CASD1: variants seen among roughly 807,000 people sequenced by gnomAD.
CASD1 encodes the protein N-acetylneuraminate (7)9-O-acetyltransferase.
CASD1 carries 41 observed loss-of-function variants against 100.0 expected under a neutral mutation model. The ratio of observed to expected loss-of-function variants is 0.41; its 90% CI spans 0.32 to 0.53. CASD1 has a LOEUF of 0.53. Ranked by LOEUF, CASD1 falls within the 20% of genes least tolerant of loss-of-function variation. CASD1 has a pLI of 0.25. For synonymous variants in CASD1, 321 were observed against 315.6 expected, an observed-to-expected ratio of 1.02 and a Z score of -0.18; for missense variants, 774 against 948.7, an observed-to-expected ratio of 0.82 and a Z score of 2.42.
the CASD1 span, among the ~76,000 whole-genome samples, chr7:94,593,002 A>G: frequency 6.6e-6 from 1 of 152,138 alleles, no homozygotes; most frequent in African/African-American, 2.4e-5. Context: ...TCTCAACAGG[A>G]CACCATAATC....
intron 3 of CASD1, among the ~76,000 whole-genome samples, chr7:94,526,637 T>A (rs1027340248): frequency 1.2e-4 from 18 of 151,976 alleles, no homozygotes; most frequent in South Asian, 2.1e-4. Flanking sequence ...AAAATTTTTT[T>A]AAAAAATTAG....
At chr7:94,571,308 A>C in the CASD1 span, among the ~76,000 whole-genome samples, 1 of 151,956 alleles carries the variant, frequency 6.6e-6, no homozygotes, top group African/African-American at 2.4e-5. Flanking sequence ...CTCCCAAAGT[A>C]CTGGGATTAC....
At chr7:94,520,105 AAGAT>A (rs1453824815) in intron 3 of CASD1, among the ~76,000 whole-genome samples, 2 of 152,186 alleles carry the variant, frequency 1.3e-5, no homozygotes, top group Non-Finnish European at 2.9e-5. Context: ...AAAGGAAACA[AAGAT>A]AGTGTGCCCC....
In CASD1 at chr7:94,539,051, A is replaced by C. The variant is rs1309299237; in HGVS notation, c.1351A>C (p.Ser451Arg). 1 of 1,573,966 alleles carries C rather than the reference A, an allele frequency of 6.4e-7. No homozygotes were observed. Among genetic ancestry groups the C allele is most frequent in the East Asian group, 2.2e-5 (1 of 44,496 alleles). The change falls in exon 10 of 18, where the codon AGT (serine) becomes CGT (arginine). Residue 451 changes from serine (S) to arginine (R), a missense_variant. Physicochemically the swap from Ser to Arg is moderately radical, Grantham distance 110. Transcript: ENST00000297273. ...TTTGATTTATCACATTTCTGGAGCA[A>C]GTACAGTAAGTATTTGGAATTTAAG... The part of the protein sequence containing the change: ...VILIYHISGA[S>R]TFLPVYMHIR...
In CASD1 at chr7:94,555,976, G is replaced by T; in HGVS notation, c.*218G>T. 1 of 501,846 alleles carries T rather than the reference G, an allele frequency of 2.0e-6. No homozygotes were observed. The highest frequency in any genetic ancestry group is 3.5e-6 in the Non-Finnish European group (1 of 286,692). The allele number at this position is 501,846 out of a possible 1,614,324, so 31.1% of individuals were successfully genotyped here. ...AAACAAACAAACAAACAAAAAACCA[G>T]AATGCATTGTATAGGATTGCATGTG... On this transcript the variant is annotated 3_prime_UTR_variant, in exon 18 of 18. Transcript: ENST00000297273.
At chr7:94,587,976 C>A in the CASD1 span, 1 of 1,414,130 alleles carries the variant, frequency 7.1e-7, no homozygotes, top group South Asian at 1.7e-5. Flanking sequence ...ATTTTTAAAA[C>A]TTCTCTTGCT....
At chr7:94,579,246 A>G in the CASD1 span, among the ~76,000 whole-genome samples, 2 of 151,290 alleles carry the variant, frequency 1.3e-5, no homozygotes, top group East Asian at 1.9e-4. Flanking sequence ...GAAAGGGGGT[A>G]TGTTATTCTA....
chr7:94,522,907 C>G (rs564428389), intron 3 of CASD1, among the ~76,000 whole-genome samples: 1 of 152,294 alleles, frequency 6.6e-6, no homozygotes, highest in African/African-American at 2.4e-5. Context: ...GTGATCCACC[C>G]ACCTCGGCCT....
the CASD1 span, among the ~76,000 whole-genome samples, chr7:94,613,510 A>G: frequency 6.6e-6 from 1 of 152,326 alleles, no homozygotes; most frequent in East Asian, 1.9e-4. Flanking sequence ...TGGTACTTCA[A>G]AAGACTAGAG....
downstream of CASD1, among the ~76,000 whole-genome samples, chr7:94,560,985 A>C (rs1356180253): frequency 6.6e-6 from 1 of 152,182 alleles, no homozygotes; most frequent in African/African-American, 2.4e-5. Context: ...TAATAGAAAA[A>C]ATACAAGTGG....
the CASD1 span, among the ~76,000 whole-genome samples, chr7:94,571,016 T>C: frequency 5.3e-5 from 8 of 151,730 alleles, no homozygotes; most frequent in African/African-American, 1.7e-4. Flanking sequence ...AGCTTTTCTT[T>C]ATCTGGAAAT....
At chr7:94,548,201 C>T (rs1223703660) in intron 13 of CASD1, among the ~76,000 whole-genome samples, 1 of 151,680 alleles carries the variant, frequency 6.6e-6, no homozygotes, top group Non-Finnish European at 1.5e-5. Flanking sequence ...AGAATGTTTC[C>T]CTAGCGTTGG....
chr7:94,558,801 T>C (rs1562953749), downstream of CASD1, among the ~76,000 whole-genome samples: 1 of 152,114 alleles, frequency 6.6e-6, no homozygotes, highest in Admixed American at 6.6e-5. Flanking sequence ...TTTATTTAAT[T>C]AATTAATTAA....
the CASD1 span, among the ~76,000 whole-genome samples, chr7:94,573,324 C>T: frequency 5.9e-5 from 9 of 152,092 alleles, no homozygotes; most frequent in African/African-American, 1.9e-4. Flanking sequence ...GGGCAGTATG[C>T]CCATTTTAAT....
downstream of CASD1, among the ~76,000 whole-genome samples, chr7:94,561,905 C>T (rs1796345207): frequency 6.6e-6 from 1 of 152,124 alleles, no homozygotes; most frequent in South Asian, 2.1e-4. Context: ...CTGGCAAGCA[C>T]CTAGCAAAGA....
At chr7:94,520,202 C>T (rs942193372) in intron 3 of CASD1, among the ~76,000 whole-genome samples, 2 of 152,190 alleles carry the variant, frequency 1.3e-5, no homozygotes, top group African/African-American at 4.8e-5. Flanking sequence ...TACCTTGTCT[C>T]TGCACACCTT....
At chr7:94,515,474 A>G (rs1793932761) in intron 1 of CASD1, among the ~76,000 whole-genome samples, 1 of 151,938 alleles carries the variant, frequency 6.6e-6, no homozygotes, top group Non-Finnish European at 1.5e-5. Flanking sequence ...CATCAACTCA[A>G]CAACTGAGAA....
intron 8 of CASD1, 129 bp from the exon 9 acceptor site, chr7:94,537,343 A>G: frequency 1.3e-6 from 1 of 786,618 alleles, no homozygotes; most frequent in Non-Finnish European, 2.1e-6. Context: ...ATGATTTGGG[A>G]AATGGTAGCA....
At chr7:94,599,477 G>A in the CASD1 span, 4 of 539,006 alleles carry the variant, frequency 7.4e-6, no homozygotes, top group South Asian at 2.7e-5. Context: ...AATATTTTAG[G>A]TTTAATTTTT....
Sources: gnomAD v4.1 joint callset for allele counts (sites outside exome capture counted in the v4.1 genomes callset) on GRCh38, gnomAD v4.1.1 for gene constraint, MANE v1.5 for transcripts, NCBI Gene and HGNC (gene_info 2026-07-23, HGNC 2026-07-21) for gene names.